The following KMT2C variants were observed in gnomAD, a reference collection of about 807,000 sequenced individuals.
The protein encoded by KMT2C is lysine methyltransferase 2C.
Under a neutral mutation model 507.9 loss-of-function variants are expected in KMT2C, and 88 were observed. That is an observed-to-expected ratio of 0.17 (90% CI 0.15 to 0.21). The LOEUF is 0.21. Among genes scored for constraint, KMT2C ranks in the 10% least tolerant of loss-of-function variants. The pLI is 1.00. For missense variants in KMT2C, 4,954 were observed against 5,957.8 expected, an observed-to-expected ratio of 0.83 and a Z score of 5.55; for synonymous variants, 2,049 against 2,080.8, an observed-to-expected ratio of 0.98 and a Z score of 0.42.
intron 6 of KMT2C, among the ~76,000 whole-genome samples, chr7:152,297,027 A>AAGAAAGAAAGAAAGAAAGAC (rs2096509291): frequency 1.0e-5 from 1 of 96,452 alleles, no homozygotes; most frequent in African/African-American, 5.4e-5. Context: ...GAAAGAAAGA[A>AAGAAAGAAAGAAAGAAAGAC]AGAAAGAAAG....
At chr7:152,178,065 TTA>T (rs2093290880) in intron 37 of KMT2C, 55 bp from the exon 38 acceptor site, 1 of 1,336,360 alleles carries the variant, frequency 7.5e-7, no homozygotes. Flanking sequence ...TATGTTAAAT[TTA>T]GAGTTAAGTT....
chr7:152,294,016 A>G (rs957437041), intron 6 of KMT2C, among the ~76,000 whole-genome samples: 9 of 141,462 alleles, frequency 6.4e-5, no homozygotes, highest in African/African-American at 1.9e-4. Flanking sequence ...GCACCACCAC[A>G]CCTGCCTTTT....
At chr7:152,280,389 A>AT (rs1453118584) in intron 6 of KMT2C, among the ~76,000 whole-genome samples, 2 of 150,536 alleles carry the variant, frequency 1.3e-5, no homozygotes, top group Non-Finnish European at 3.0e-5. Flanking sequence ...AAAAATAAAA[A>AT]TAAAAAAAAA....
At chr7:152,170,075 G>A (rs1327585712) in intron 40 of KMT2C, among the ~76,000 whole-genome samples, 1 of 152,124 alleles carries the variant, frequency 6.6e-6, no homozygotes, top group Non-Finnish European at 1.5e-5. Context: ...AATGTATTAT[G>A]TGCAATCTTC....
intron 6 of KMT2C, among the ~76,000 whole-genome samples, chr7:152,297,057 G>GACAGACAGACAGAAAGAAAGAAAGAA (rs756980169): frequency 2.2e-5 from 2 of 90,696 alleles, no homozygotes; most frequent in African/African-American, 9.6e-5. Context: ...AAGAAAGACA[G>GACAGACAGACAGAAAGAAAGAAAGAA]AGAGAGAGAG....
intron 18 of KMT2C, among the ~76,000 whole-genome samples, chr7:152,227,633 C>T (rs2094973227): frequency 6.6e-6 from 1 of 152,176 alleles, no homozygotes; most frequent in Non-Finnish European, 1.5e-5. Context: ...TCAATGGCCT[C>T]GCTGAGGTTA....
chr7:152,417,026 G>A (rs35948860), intron 1 of KMT2C, among the ~76,000 whole-genome samples: 7,160 of 140,202 alleles, frequency 0.051, 307 homozygotes, highest in African/African-American at 0.12. Context: ...TCTAGCCTGG[G>A]TGACACAGTG....
chr7:152,393,898 CAA>C (rs745616896), intron 1 of KMT2C, among the ~76,000 whole-genome samples: 85 of 65,204 alleles, frequency 1.3e-3, no homozygotes, highest in African/African-American at 3.6e-3. Context: ...AACTCCATCT[CAA>C]AAAAAAAAAA....
chr7:152,380,710 C>T (rs1451319340), intron 1 of KMT2C, among the ~76,000 whole-genome samples: 13 of 147,516 alleles, frequency 8.8e-5, no homozygotes, highest in East Asian at 3.9e-4. Context: ...CGCACTCCTG[C>T]CTAAGTAACA....
At chr7:152,367,681 T>A in intron 1 of KMT2C, 1 of 1,410,074 alleles carries the variant, frequency 7.1e-7, no homozygotes. Flanking sequence ...CTGCTCACAA[T>A]AGCTGACACC....
At chr7:152,324,273 TTAAAA>T (rs2096803368) in intron 3 of KMT2C, among the ~76,000 whole-genome samples, 1 of 145,748 alleles carries the variant, frequency 6.9e-6, no homozygotes, top group Admixed American at 6.8e-5. Context: ...GGTTCTGCCA[TTAAAA>T]GTAATGGCAA....
At chr7:152,323,176 T>A (rs2096787564) in intron 3 of KMT2C, among the ~76,000 whole-genome samples, 1 of 152,028 alleles carries the variant, frequency 6.6e-6, no homozygotes, top group African/African-American at 2.4e-5. Context: ...CACTTCTGGG[T>A]ATATATCCAA....
At chr7:152,337,939 C>A (rs892909533) in intron 2 of KMT2C, among the ~76,000 whole-genome samples, 1 of 151,964 alleles carries the variant, frequency 6.6e-6, no homozygotes, top group Non-Finnish European at 1.5e-5. Context: ...TCACTGAAAG[C>A]TCTGCCTCCC....
chr7:152,240,001 C>A (rs1371145965), intron 14 of KMT2C, among the ~76,000 whole-genome samples: 1 of 152,336 alleles, frequency 6.6e-6, no homozygotes, highest in East Asian at 1.9e-4. Context: ...AAGCAATAGA[C>A]TGGTTTCATT....
rs1252335585 is a variant in KMT2C, at chr7:152,315,311, A to G, written c.417T>C (p.Cys139=). The change falls in exon 4 of 59, where the codon TGT becomes TGC. Residue 139 remains cysteine, a synonymous_variant. Transcript: ENST00000262189. ...ISEQLCAFCY[C]GEKSSLGQGD... is the part of the protein sequence containing the mutation. The stretch of plus-strand genomic sequence containing the variant: ...CTTGTCCTAAGGAACTTTTTTCCCC[A>G]CAGTAACAAAAAGCGCAGAGCTGTT... 2 of 1,613,750 alleles carry G rather than the reference A, an allele frequency of 1.2e-6. No individual in the cohort carries two copies. The highest frequency in any genetic ancestry group is 1.7e-6 in the Non-Finnish European group (2 of 1,179,858).
At chr7:152,233,116 T>C (rs893024293) in intron 16 of KMT2C, among the ~76,000 whole-genome samples, 22 of 152,166 alleles carry the variant, frequency 1.4e-4, no homozygotes, top group African/African-American at 5.3e-4. Flanking sequence ...AGTCATACTG[T>C]CATATTTAAA....
intron 3 of KMT2C, among the ~76,000 whole-genome samples, chr7:152,327,916 C>T (rs2096844256): frequency 6.7e-6 from 1 of 149,006 alleles, no homozygotes; most frequent in African/African-American, 2.5e-5. Context: ...CAAGATCGCG[C>T]CACTGCATTC....
chr7:152,368,555 G>A lies in KMT2C; in HGVS notation c.162-9880C>T, dbSNP rs368268276. 8.5e-5 allele frequency: 118 copies of A among 1,386,778 alleles called. No homozygotes were observed. The African/African-American group carries it at 1.2e-3, about 14-fold the overall frequency. 85.9% of individuals were successfully genotyped at this position (1,386,778 alleles called of 1,614,324 possible). A position where few individuals can be genotyped will look rare whatever the true frequency, so the allele number is the denominator to read the frequency against. On this transcript the variant is annotated intron_variant, in intron 1 of 58. Transcript: ENST00000262189. ...CACAAAGAATTAGAGGAAAAACGTC[G>A]TCAGTTTGAGGATGAGAAGGCAAAC...
At chr7:152,395,330 C>T (rs185560922) in intron 1 of KMT2C, among the ~76,000 whole-genome samples, 1 of 151,644 alleles carries the variant, frequency 6.6e-6, no homozygotes, top group Non-Finnish European at 1.5e-5. Context: ...ACTACAGGCA[C>T]GTGGCCGCAC....
Sources: gnomAD v4.1 joint callset for allele counts (sites outside exome capture counted in the v4.1 genomes callset) on GRCh38, gnomAD v4.1.1 for gene constraint, MANE v1.5 for transcripts, NCBI Gene and HGNC (gene_info 2026-07-23, HGNC 2026-07-21) for gene names.